VPS13B: variants seen among roughly 807,000 people sequenced by gnomAD.
VPS13B encodes the protein vacuolar protein sorting 13 homolog B.
In VPS13B, 285 loss-of-function variants were observed where a neutral mutation model predicts 426.4. The ratio of observed to expected loss-of-function variants is 0.67; its 90% confidence interval spans 0.61 to 0.74. VPS13B has a LOEUF of 0.74. Among genes scored for constraint, VPS13B ranks in the 30% least tolerant of loss-of-function variants. VPS13B has a pLI of 0.00. For synonymous variants in VPS13B, 1,676 were observed against 1,676.4 expected, an observed-to-expected ratio of 1.00 and a Z score of 0.01; for missense variants, 4,537 against 4,782.6, an observed-to-expected ratio of 0.95 and a Z score of 1.51.
At chr8:99,523,662 A>G (rs1012329532) in intron 30 of VPS13B, among the ~76,000 whole-genome samples, 2 of 152,336 alleles carry the variant, frequency 1.3e-5, no homozygotes, top group Middle Eastern at 3.4e-3. Context: ...CCACAGTGTT[A>G]CTGGGCTTGG....
chr8:99,111,027 A>T, intron 5 of VPS13B, 71 bp from the exon 6 acceptor site: 2 of 1,166,496 alleles, frequency 1.7e-6, no homozygotes, highest in Non-Finnish European at 2.4e-6. Flanking sequence ...TACTATTTAT[A>T]CTAATAAATA....
At chr8:99,798,062 A>G (rs915736008) in intron 43 of VPS13B, among the ~76,000 whole-genome samples, 2 of 152,090 alleles carry the variant, frequency 1.3e-5, no homozygotes, top group Non-Finnish European at 2.9e-5. Flanking sequence ...TGACATTAAG[A>G]TAGCTAAAAT....
At chr8:99,292,263 G>A (rs1819778007) in intron 19 of VPS13B, among the ~76,000 whole-genome samples, 1 of 152,134 alleles carries the variant, frequency 6.6e-6, no homozygotes. Flanking sequence ...AACTGTTGAT[G>A]CATTTAGAGT....
intron 30 of VPS13B, among the ~76,000 whole-genome samples, chr8:99,544,707 C>A (rs1428107682): frequency 1.3e-5 from 2 of 151,966 alleles, no homozygotes; most frequent in Non-Finnish European, 2.9e-5. Context: ...ACAACAACAA[C>A]AATAAACCTT....
rs1033717793 is a variant in VPS13B at position 99,569,544 on chromosome 8, A to G, written c.4950-6114A>G. The stretch of plus-strand genomic sequence containing the variant: ...GGTGGAATATTTTGGGAACCTTGGT[A>G]CCACTTTTCCTACTTCTGGTCTTTC... On this transcript the variant is annotated intron_variant, in intron 31 of 61. Transcript: ENST00000357162. Among the ~76,000 whole-genome samples the G allele has an allele frequency of 2.6e-5, 4 of 152,086 alleles. No individual in the cohort carries two copies. The East Asian group carries it at 7.7e-4, about 29-fold the overall frequency.
intron 20 of VPS13B, among the ~76,000 whole-genome samples, chr8:99,386,193 G>A (rs1316997102): frequency 6.6e-6 from 1 of 152,114 alleles, no homozygotes; most frequent in Non-Finnish European, 1.5e-5. Context: ...ATCCCTGAAG[G>A]TCAAGTAGAG....
chr8:99,049,318 C>T (rs769839867), intron 3 of VPS13B, among the ~76,000 whole-genome samples: 8 of 151,732 alleles, frequency 5.3e-5, no homozygotes, highest in Non-Finnish European at 1.0e-4. Context: ...TTTCAAGAGT[C>T]AGCTCCCCTT....
intron 31 of VPS13B, among the ~76,000 whole-genome samples, chr8:99,567,656 C>T (rs1825253828): frequency 6.6e-6 from 1 of 152,046 alleles, no homozygotes. Flanking sequence ...TGTGTATGTT[C>T]AGCACCTTGA....
chr8:99,755,750 C>T (rs1421855619), intron 39 of VPS13B, among the ~76,000 whole-genome samples: 2 of 152,200 alleles, frequency 1.3e-5, no homozygotes, highest in African/African-American at 4.8e-5. Context: ...GCCTGGGCAA[C>T]AGAGGGAGAC....
intron 15 of VPS13B, among the ~76,000 whole-genome samples, chr8:99,160,195 T>A (rs1811570842): frequency 6.6e-6 from 1 of 152,086 alleles, no homozygotes; most frequent in Non-Finnish European, 1.5e-5. Flanking sequence ...TTTCAATTTT[T>A]AAAAAATAAG....
chr8:99,768,117 C>A (rs1811318557), intron 40 of VPS13B, among the ~76,000 whole-genome samples: 1 of 152,184 alleles, frequency 6.6e-6, no homozygotes, highest in African/African-American at 2.4e-5. Flanking sequence ...TAAACCACAA[C>A]CAGTGGAACA....
intron 3 of VPS13B, among the ~76,000 whole-genome samples, chr8:99,071,027 A>G (rs2132333265): frequency 6.6e-6 from 1 of 152,268 alleles, no homozygotes; most frequent in East Asian, 1.9e-4. Context: ...GAGCTTAAAA[A>G]TAAGTATTTT....
intron 39 of VPS13B, among the ~76,000 whole-genome samples, chr8:99,739,344 G>C (rs1240025308): frequency 1.3e-5 from 2 of 152,222 alleles, no homozygotes; most frequent in Admixed American, 1.3e-4. Context: ...ACTTGGTGGA[G>C]CCCACCGCAG....
chr8:99,289,393 T>C (rs7002148), intron 19 of VPS13B, among the ~76,000 whole-genome samples: 126,289 of 152,058 alleles, frequency 0.83, 52,990 homozygotes, highest in African/African-American at 0.89. Flanking sequence ...GATATTGCCG[T>C]TCTTTTTTGT....
At chr8:99,087,620 T>C (rs1233996769) in intron 3 of VPS13B, among the ~76,000 whole-genome samples, 1 of 151,380 alleles carries the variant, frequency 6.6e-6, no homozygotes, top group South Asian at 2.1e-4. Flanking sequence ...TTTTTGTTTT[T>C]TTTTTTTTTT....
At chr8:99,181,789 TTAATA>T (rs1211704147) in intron 16 of VPS13B, among the ~76,000 whole-genome samples, 5 of 152,140 alleles carry the variant, frequency 3.3e-5, no homozygotes, top group Non-Finnish European at 7.4e-5. Flanking sequence ...ATCACATGTA[TTAATA>T]TAATAGGTAT....
At chr8:99,791,720 TAA>T (rs1163608239) in intron 43 of VPS13B, among the ~76,000 whole-genome samples, 2,313 of 90,008 alleles carry the variant, frequency 0.026, 59 homozygotes, top group African/African-American at 0.088. Context: ...GAACAGAACT[TAA>T]AAAAAAAAAA....
chr8:99,102,861 C>T, intron 4 of VPS13B, 92 bp from the exon 5 acceptor site: 5 of 1,261,826 alleles, frequency 4.0e-6, no homozygotes, highest in Non-Finnish European at 5.7e-6. Flanking sequence ...TAATAACCAC[C>T]TTTCTCATAC....
intron 27 of VPS13B, among the ~76,000 whole-genome samples, chr8:99,503,435 C>A (rs763135725): frequency 2.6e-5 from 4 of 152,072 alleles, no homozygotes; most frequent in Non-Finnish European, 5.9e-5. Context: ...TGGATTGAAT[C>A]TTTCTTTATG....
Sources: allele counts gnomAD v4.1 joint callset (sites outside exome capture counted in the v4.1 genomes callset), GRCh38; gene constraint gnomAD v4.1.1; transcripts MANE v1.5; gene names NCBI Gene and HGNC (gene_info 2026-07-23, HGNC 2026-07-21).